LRCH4: variants seen among roughly 807,000 people sequenced by gnomAD.
The protein encoded by LRCH4 is leucine-rich repeat and calponin homology domain-containing protein 4.
LRCH4 carries 56 observed loss-of-function variants against 81.2 expected under a neutral mutation model. The ratio of observed to expected loss-of-function variants is 0.69; its 90% CI spans 0.56 to 0.86. The LOEUF is 0.86. Among genes scored for constraint, LRCH4 ranks in the 40% least tolerant of loss-of-function variants. The probability of loss-of-function intolerance (pLI) is 0.00; values close to 1 mark genes in which losing one functional copy is unlikely to be tolerated. For missense variants in LRCH4, 895 were observed against 922.8 expected (o/e 0.97, Z 0.39); for synonymous variants, 442 against 409.7 (o/e 1.08, Z -0.95).
Position 100,582,408 on chromosome 7 carries a change from A to G in LRCH4, c.272T>C (p.Val91Ala). ...GTAGAGGCTCAGGCCCTCCAGGGAC[A>G]CCAGCTGGCACGCCGCCTCGGGCAC... ...PEVPEAACQL[V>A]SLEGLSLYHN... Residue 91 changes from valine (V) to alanine (A), a missense_variant, in exon 2 of 18, where the codon GTG becomes GCG. By Grantham distance (64) the Val-to-Ala change is moderately conservative. Transcript: ENST00000310300. This position sits in a 1 kb window ranked among gnomAD's most constrained non-coding sequence, Gnocchi z 5.0. 6.2e-7 allele frequency: 1 copy of G among 1,613,554 alleles called. No individual in the cohort carries two copies.
In LRCH4 at chr7:100,574,245, T is replaced by C. The variant is rs578058484; in HGVS notation, c.*862A>G. 84 of 185,412 alleles carry C rather than the reference T, an allele frequency of 4.5e-4. No individual in the cohort carries two copies. The South Asian group carries it at 4.7e-3, about 10-fold the overall frequency. The allele number at this position is 185,412 out of a possible 1,614,324, so 11.5% of individuals were successfully genotyped here. A position where few individuals can be genotyped will look rare whatever the true frequency, so the allele number is the denominator to read the frequency against. On this transcript the variant is annotated 3_prime_UTR_variant, in exon 18 of 18. Transcript: ENST00000310300. ...GCGGGGTGGGCCCTGTGCCCCCACC[T>C]TCACCCCTAAGGCCGGTCCAGCAGG...
In LRCH4 at chr7:100,575,897, A is replaced by G. The variant is rs1419186655; in HGVS notation, c.1750T>C (p.Phe584Leu). 6.2e-7 allele frequency: 1 copy of G among 1,613,554 alleles called. No individual in the cohort carries two copies. Among genetic ancestry groups the G allele is most frequent in the South Asian group, 1.1e-5 (1 of 91,046 alleles). Reference sequence around the variant, plus strand: ...ACAGCAGGGGAGGGCACATGGATGAAGGGCACGGAGCGCGGCCGTAGCTGG... The same window carrying G: ...ACAGCAGGGGAGGGCACATGGATGAGGGGCACGGAGCGCGGCCGTAGCTGG... ...ANQLRPRSVP[F>L]IHVPSPAVPK... The change falls in exon 16 of 18, where the codon TTC becomes CTC. Residue 584 changes from phenylalanine (F) to leucine (L), a missense_variant. Coordinates refer to ENST00000310300, the MANE Select transcript of LRCH4 (RefSeq NM_002319.5). The surrounding 1 kb of genome is among the most constrained non-coding windows in gnomAD (Gnocchi z 5.3).
At chr7:100,585,534 C>CT (rs1801705817) in intron 1 of LRCH4, among the ~76,000 whole-genome samples, 1 of 151,842 alleles carries the variant, frequency 6.6e-6, no homozygotes, top group East Asian at 1.9e-4. Context: ...CTCGTGGGGA[C>CT]TGCTTCATAG....
Position 100,575,137 on chromosome 7 carries a change from A to G in LRCH4, c.2022T>C (p.Tyr674=), listed in dbSNP as rs1210298629. 6.2e-7 allele frequency: 1 copy of G among 1,612,874 alleles called. No homozygotes were observed. The highest frequency in any genetic ancestry group is 2.2e-5 in the East Asian group (1 of 44,834). The change falls in exon 18 of 18, where the codon TAT becomes TAC. Residue 674 remains tyrosine (Y), a synonymous_variant. Transcript: ENST00000310300. The surrounding 1 kb of genome is among the most constrained non-coding windows in gnomAD (Gnocchi z 5.3). ...VFYVVLMLLL[Y]VTYTRLLGS The stretch of plus-strand genomic sequence containing the variant: ...AACCCAGGAGCCGAGTGTAGGTGAC[A>G]TAGAGCAGCAGCATGAGGACCACGT...
In LRCH4 at chr7:100,578,543, G is replaced by T; in HGVS notation, c.736-32C>A. The stretch of plus-strand genomic sequence containing the variant: ...GCGGGGCAGCACACGCCAGGGAGTT[G>T]GCAGGGAGGGCAGCTCCCCGGATCC... On this transcript the variant is annotated intron_variant, in intron 5 of 17. Transcript: ENST00000310300. This position sits in a 1 kb window ranked among gnomAD's most constrained non-coding sequence, Gnocchi z 5.7. 6.2e-7 allele frequency: 1 copy of T among 1,603,940 alleles called. No individual in the cohort carries two copies. The highest frequency in any genetic ancestry group is 8.5e-7 in the Non-Finnish European group (1 of 1,173,454).
chr7:100,575,618 A>T lies in LRCH4; in HGVS notation c.1854+87T>A. ...CCTGTGCCTTCATCTGAGAGCAGAC[A>T]TCCGCTGCAAATGGAAGCCCACCAT... On this transcript the variant is annotated intron_variant, in intron 17 of 17. Transcript: ENST00000310300. The surrounding 1 kb of genome is among the most constrained non-coding windows in gnomAD (Gnocchi z 5.3). 6.7e-7 allele frequency: 1 copy of T among 1,484,774 alleles called. No individual in the cohort carries two copies. The highest frequency in any genetic ancestry group is 9.4e-7 in the Non-Finnish European group (1 of 1,062,264). The allele number at this position is 1,484,774 out of a possible 1,614,324, so 92.0% of individuals were successfully genotyped here. A position where few individuals can be genotyped will look rare whatever the true frequency, so the allele number is the denominator to read the frequency against.
In LRCH4 at chr7:100,575,349, C is replaced by G. The variant is rs1478425922; in HGVS notation, c.1855-45G>C. 7.2e-7 allele frequency: 1 copy of G among 1,385,788 alleles called. No homozygotes were observed. Among genetic ancestry groups the G allele is most frequent in the East Asian group, 2.5e-5 (1 of 39,434 alleles). 85.8% of individuals were successfully genotyped at this position (1,385,788 alleles called of 1,614,324 possible). A position where few individuals can be genotyped will look rare whatever the true frequency, so the allele number is the denominator to read the frequency against. ...GTGGACAAGGACAAGGGACAGACGT[C>G]AGCAGCAGCAGCAGGACAGTCCCTC... On this transcript the variant is annotated intron_variant, in intron 17 of 17. Transcript: ENST00000310300. This position sits in a 1 kb window ranked among gnomAD's most constrained non-coding sequence, Gnocchi z 5.3.
chr7:100,584,046 A>C, intron 1 of LRCH4: 2 of 421,156 alleles, frequency 4.7e-6, no homozygotes, highest in Non-Finnish European at 9.7e-6. Context: ...CAGGGAGCCT[A>C]GTCCAAGGGA....
rs1451782621 is a variant in LRCH4 at position 100,574,071 on chromosome 7, C to T, written c.*1036G>A. Reference sequence around the variant, plus strand: ...CTGTTTATTGCGGCTGACACGACACCTGCGACACCCGCGGTCCTTCCACCC... The same window carrying T: ...CTGTTTATTGCGGCTGACACGACACTTGCGACACCCGCGGTCCTTCCACCC... On this transcript the variant is annotated 3_prime_UTR_variant, in exon 18 of 18. Transcript: ENST00000310300. 11 of 157,414 alleles carry T rather than the reference C, an allele frequency of 7.0e-5. No homozygotes were observed. In the East Asian group the frequency reaches 1.8e-3, roughly 26 times the overall value. 9.8% of individuals were successfully genotyped at this position (157,414 alleles called of 1,614,324 possible). A position where few individuals can be genotyped will look rare whatever the true frequency, so the allele number is the denominator to read the frequency against.
At chr7:100,584,936 G>A in intron 1 of LRCH4, 2 of 374,222 alleles carry the variant, frequency 5.3e-6, no homozygotes, top group East Asian at 7.3e-5. Context: ...CCCAGCTGCC[G>A]GCCCAAGGTC....
Position 100,582,185 on chromosome 7 carries a change from G to A in LRCH4, c.366-18C>T. On this transcript the variant is annotated intron_variant, in intron 2 of 17. Transcript: ENST00000310300. This position sits in a 1 kb window ranked among gnomAD's most constrained non-coding sequence, Gnocchi z 5.0. ...GGTTTCGGCTGTGGAAGGGAGAAAG[G>A]CAGCGGACTGGCTCCCCAGGCATGG... 1.2e-6 allele frequency: 2 copies of A among 1,613,558 alleles called. No individual in the cohort carries two copies. Among genetic ancestry groups the A allele is most frequent in the Non-Finnish European group, 1.7e-6 (2 of 1,179,918 alleles).
chr7:100,577,943 G>A lies in LRCH4; in HGVS notation c.949-31C>T, dbSNP rs371504212. ...AAGGCAGAGGCAGAGATGGGAGATG[G>A]CCTCTCTGTACATGGGGGCTCAGGA... On this transcript the variant is annotated intron_variant, in intron 7 of 17. Coordinates refer to ENST00000310300, the MANE Select transcript of LRCH4 (RefSeq NM_002319.5). This position sits in a 1 kb window ranked among gnomAD's most constrained non-coding sequence, Gnocchi z 6.7. The A allele has an allele frequency of 8.3e-6, 13 of 1,574,702 alleles. No individual in the cohort carries two copies. The African/African-American group carries it at 1.5e-4, about 18-fold the overall frequency.
At chr7:100,579,817 C>T (rs1303585781) in intron 4 of LRCH4, 1 of 152,200 alleles carries the variant, frequency 6.6e-6, no homozygotes, top group African/African-American at 2.4e-5. Flanking sequence ...ATGCATCTTT[C>T]AAGGTTCAGC....
rs1054828804 is a variant in LRCH4 at position 100,576,765 on chromosome 7, G to A, written c.1481C>T (p.Ala494Val). Reference protein sequence around the residue: ...LPIAGPATAPAPRPLGSIQRP... With the variant: ...LPIAGPATAPVPRPLGSIQRP... ...CTGAATGGAGCCAAGTGGCCGTGGA[G>A]CAGGTGCTGTCGCTGGGGCCGGAAC... The change falls in exon 14 of 18, where the codon GCT becomes GTT. Residue 494 changes from alanine (A) to valine (V), a missense_variant. Coordinates refer to ENST00000310300, the MANE Select transcript of LRCH4 (RefSeq NM_002319.5). 1.9e-6 allele frequency: 3 copies of A among 1,594,638 alleles called. No individual in the cohort carries two copies. Among genetic ancestry groups the A allele is most frequent in the Non-Finnish European group, 2.6e-6 (3 of 1,170,414 alleles).
chr7:100,580,543 CAACA>C (rs1167377072), intron 4 of LRCH4: 6 of 150,244 alleles, frequency 4.0e-5, no homozygotes, highest in African/African-American at 1.5e-4. Flanking sequence ...ACAACCCACA[CAACA>C]CACACCCAAA....
Position 100,575,866 on chromosome 7 carries a change from C to T in LRCH4, c.1776+5G>A. On this transcript the variant is annotated splice_donor_5th_base_variant and intron_variant, in intron 16 of 17. Coordinates refer to ENST00000310300, the MANE Select transcript of LRCH4 (RefSeq NM_002319.5). This position sits in a 1 kb window ranked among gnomAD's most constrained non-coding sequence, Gnocchi z 5.3. ...TCCCCCACCTCTTCCCCAGCCCCAA[C>T]TGACCACAGCAGGGGAGGGCACATG... is the stretch of plus-strand genomic sequence containing the variant. The T allele has an allele frequency of 1.2e-6, 2 of 1,613,194 alleles. No homozygotes were observed. The highest frequency in any genetic ancestry group is 1.7e-6 in the Non-Finnish European group (2 of 1,179,438).
Position 100,582,143 on chromosome 7 carries a change from T to G in LRCH4, c.390A>C (p.Pro130=). The change falls in exon 3 of 18, where the codon CCA becomes CCC. Residue 130 remains proline (P), a synonymous_variant. Coordinates refer to ENST00000310300, the MANE Select transcript of LRCH4 (RefSeq NM_002319.5). This position sits in a 1 kb window ranked among gnomAD's most constrained non-coding sequence, Gnocchi z 5.0. Reference sequence around the variant, plus strand: ...TCAGGGGCAGCTGGCAGATGTAGGGTGGCAGCAGCGACAGCTGGTTTCGGC... The same window carrying G: ...TCAGGGGCAGCTGGCAGATGTAGGGGGGCAGCAGCGACAGCTGGTTTCGGC... The part of the protein sequence containing the change: ...NLSRNQLSLL[P]PYICQLPLRV... 6.2e-7 allele frequency: 1 copy of G among 1,612,994 alleles called. No homozygotes were observed. The highest frequency in any genetic ancestry group is 8.5e-7 in the Non-Finnish European group (1 of 1,179,878).
At position 100,576,051 on chromosome 7, in the gene LRCH4, G is replaced by A. The variant is rs562221258; in HGVS notation, c.1639-43C>T. The A allele has an allele frequency of 3.8e-6, 6 of 1,573,574 alleles. No individual in the cohort carries two copies. In the African/African-American group the frequency reaches 6.7e-5, roughly 18 times the overall value. On this transcript the variant is annotated intron_variant, in intron 15 of 17. Transcript: ENST00000310300. ...ATAGAGCAGGGGTCAGGGAAGGAGA[G>A]GCGTCTGGGAGGCAGGGAGAGTGGG...
chr7:100,584,746 G>A, intron 1 of LRCH4: 1 of 456,700 alleles, frequency 2.2e-6, no homozygotes, highest in South Asian at 1.5e-5. Context: ...CCCAGAAGAG[G>A]GAAGAGGATG....
Sources: allele counts gnomAD v4.1 joint callset (sites outside exome capture counted in the v4.1 genomes callset), GRCh38; gene constraint gnomAD v4.1.1; non-coding constraint Gnocchi (gnomAD v3.1); transcripts MANE v1.5; gene names NCBI Gene and HGNC (gene_info 2026-07-23, HGNC 2026-07-21).